The following ITPR3 variants were observed in gnomAD, a reference collection of about 807,000 sequenced individuals.
The protein encoded by ITPR3 is inositol 1,4,5-trisphosphate-gated calcium channel ITPR3.
In ITPR3, 173 loss-of-function variants were observed where a neutral mutation model predicts 293.2. That is an observed-to-expected ratio of 0.59 (90% confidence interval 0.52 to 0.67). The LOEUF (loss-of-function observed/expected upper bound fraction) is 0.67, where lower values mean the gene tolerates loss of function less well. ITPR3 is among the 30% of genes least tolerant of loss of function. The pLI, the probability that ITPR3 is intolerant of heterozygous loss-of-function variation, is 0.00. For missense variants in ITPR3, 2,796 were observed against 3,592.1 expected (o/e 0.78, Z 5.66); for synonymous variants, 1,295 against 1,444.4 (o/e 0.90, Z 2.35).
chr6:33,642,713 C>T (rs1283494570), intron 2 of ITPR3, among the ~76,000 whole-genome samples: 1 of 152,172 alleles, frequency 6.6e-6, no homozygotes, highest in Non-Finnish European at 1.5e-5. Flanking sequence ...TCTCCATTTT[C>T]CCAAAGCCTG....
intron 2 of ITPR3, among the ~76,000 whole-genome samples, chr6:33,649,690 T>C (rs1216151488): frequency 1.3e-5 from 2 of 152,232 alleles, no homozygotes; most frequent in African/African-American, 4.8e-5. Context: ...ACTGCAACCG[T>C]ATAACTTGCT....
rs1242074837 is a variant in ITPR3, at chr6:33,666,848, A to G, written c.1552-281A>G. On this transcript the variant is annotated intron_variant, in intron 14 of 57. Coordinates refer to ENST00000605930, the MANE Select transcript of ITPR3 (RefSeq NM_002224.4). The surrounding 1 kb of genome is among the most constrained non-coding windows in gnomAD (Gnocchi z 5.1). ...TAGCCTTAGACCCTGAGCTGCCGAG[A>G]CCCTCTGCTCCTCCCCCAGGCCCCA... Among the ~76,000 whole-genome samples, 1 of 152,070 alleles carries G rather than the reference A, an allele frequency of 6.6e-6. No individual in the cohort carries two copies. Among genetic ancestry groups the G allele is most frequent in the Non-Finnish European group, 1.5e-5 (1 of 68,006 alleles).
intron 57 of ITPR3, chr6:33,695,509 G>C: frequency 1.7e-6 from 1 of 598,560 alleles, no homozygotes; most frequent in Admixed American, 3.0e-5. Context: ...TCAAATCCAG[G>C]GTTTGTGACA....
rs145939493 is a variant in ITPR3 at position 33,678,782 on chromosome 6, C to T, written c.3915C>T (p.Thr1305=). The change falls in exon 30 of 58, where the codon ACC becomes ACT. Residue 1305 remains threonine, a synonymous_variant. Transcript: ENST00000605930. ...TGCAGTACCTGGACTTCCTGCACAC[C>T]GTCATTAAGGCCGAGGGCAAGTACG... ...RHVQYLDFLH[T]VIKAEGKYVK... 303 of 1,613,482 alleles carry T rather than the reference C, an allele frequency of 1.9e-4. 1 individual carries two copies. In the African/African-American group the frequency reaches 3.3e-3, roughly 18 times the overall value.
Position 33,655,641 on chromosome 6 carries a change from C to A in ITPR3, c.161-125C>A. 1.6e-6 allele frequency: 2 copies of A among 1,276,472 alleles called. No individual in the cohort carries two copies. Among genetic ancestry groups the A allele is most frequent in the Non-Finnish European group, 2.2e-6 (2 of 918,166 alleles). 79.1% of individuals were successfully genotyped at this position (1,276,472 alleles called of 1,614,324 possible). On this transcript the variant is annotated intron_variant, in intron 2 of 57. Transcript: ENST00000605930. The surrounding 1 kb of genome is among the most constrained non-coding windows in gnomAD (Gnocchi z 4.9). ...GGTTCTTCCAACCGCTTCCTCTCTA[C>A]CTGCAGCGGGGAACGGGGGTGGGGA...
At chr6:33,622,326 C>G (rs2151271994) in intron 1 of ITPR3, among the ~76,000 whole-genome samples, 1 of 152,220 alleles carries the variant, frequency 6.6e-6, no homozygotes, top group East Asian at 1.9e-4. Context: ...TAGCTTCTCT[C>G]CAGCACTTCA....
intron 11 of ITPR3, 26 bp downstream of exon 11, chr6:33,663,906 G>C (rs959577033): frequency 6.2e-7 from 1 of 1,612,992 alleles, no homozygotes; most frequent in Non-Finnish European, 8.5e-7. Context: ...GTGCCTGGGA[G>C]TTGACTGGTG....
Position 33,666,096 on chromosome 6 carries a change from C to A in ITPR3, c.1551+120C>A. ...AGTATATATGGGGCACGACCACGTG[C>A]CAGGGACTTCCCTAAGTACCCCACA... On this transcript the variant is annotated intron_variant, in intron 14 of 57. Transcript: ENST00000605930. This position sits in a 1 kb window ranked among gnomAD's most constrained non-coding sequence, Gnocchi z 5.1. 1 of 1,164,876 alleles carries A rather than the reference C, an allele frequency of 8.6e-7. No homozygotes were observed. 72.2% of individuals were successfully genotyped at this position (1,164,876 alleles called of 1,614,324 possible). A position where few individuals can be genotyped will look rare whatever the true frequency, so the allele number is the denominator to read the frequency against.
chr6:33,635,911 G>C (rs1023676042), intron 1 of ITPR3, among the ~76,000 whole-genome samples: 2 of 152,010 alleles, frequency 1.3e-5, no homozygotes, highest in African/African-American at 2.4e-5. Flanking sequence ...TTCAGGCCAT[G>C]TAAGTTCTTT....
chr6:33,640,161 C>T (rs1229492273), intron 1 of ITPR3, among the ~76,000 whole-genome samples: 2 of 152,156 alleles, frequency 1.3e-5, no homozygotes, highest in African/African-American at 4.8e-5. Context: ...GGTCTCAGGG[C>T]TGGGACAGGA....
chr6:33,687,585 T>TGGGGTG lies in ITPR3; in HGVS notation c.6264+31_6264+36dup, dbSNP rs1002600858. 8.5e-6 allele frequency: 10 copies of TGGGGTG among 1,173,426 alleles called. No homozygotes were observed. Among genetic ancestry groups the TGGGGTG allele is most frequent in the Non-Finnish European group, 1.2e-5 (10 of 801,238 alleles). The allele number at this position is 1,173,426 out of a possible 1,614,324, so 72.7% of individuals were successfully genotyped here. Reference sequence around the variant, plus strand: ...CCATGGTGGGTGCTGGCCCCGAGACTGGGGTGGGGGTGGGGCCTGGAACCC... The same window carrying TGGGGTG: ...CCATGGTGGGTGCTGGCCCCGAGACTGGGGTGGGGGTGGGGGTGGGGCCTGGAACCC... On this transcript the variant is annotated intron_variant, in intron 46 of 57. Coordinates refer to ENST00000605930, the MANE Select transcript of ITPR3 (RefSeq NM_002224.4). This position sits in a 1 kb window ranked among gnomAD's most constrained non-coding sequence, Gnocchi z 5.3.
rs1764512604 is a variant in ITPR3, at chr6:33,662,964, C to T, written c.912C>T (p.Tyr304=). The change falls in exon 9 of 58, where the codon TAC becomes TAT. Residue 304 remains tyrosine (Y), a synonymous_variant. Transcript: ENST00000605930. The part of the protein sequence containing the change: ...RGGAGHWNGL[Y]RFKHLATGNY... ...GAGCTGGGCACTGGAATGGCTTGTA[C>T]CGCTTCAAGCACCTGGCTACAGGCA... is the stretch of plus-strand genomic sequence containing the variant. The T allele has an allele frequency of 1.9e-6, 3 of 1,604,260 alleles. No individual in the cohort carries two copies. The highest frequency in any genetic ancestry group is 2.6e-6 in the Non-Finnish European group (3 of 1,175,228).
rs780086266 is a variant in ITPR3, at chr6:33,686,261, G to C, written c.5868+8G>C. The C allele has an allele frequency of 1.2e-5, 20 of 1,612,198 alleles. No individual in the cohort carries two copies. Among genetic ancestry groups the C allele is most frequent in the Non-Finnish European group, 1.7e-5 (20 of 1,179,018 alleles). On this transcript the variant is annotated splice_region_variant and intron_variant, in intron 42 of 57. Transcript: ENST00000605930. Reference sequence around the variant, plus strand: ...CCCTGCCATGAGAACCAGGTGAGCTGTCCTGGTGGCATAAGTGGCAGCCAG... The same window carrying C: ...CCCTGCCATGAGAACCAGGTGAGCTCTCCTGGTGGCATAAGTGGCAGCCAG...
chr6:33,687,317 T>C lies in ITPR3; in HGVS notation c.6167T>C (p.Leu2056Pro). 6.2e-7 allele frequency: 1 copy of C among 1,609,546 alleles called. No individual in the cohort carries two copies. Among genetic ancestry groups the C allele is most frequent in the Admixed American group, 1.7e-5 (1 of 59,892 alleles). ...PREVGHNIYI[L>P]ALQLSRHNKQ... The stretch of plus-strand genomic sequence containing the variant: ...GAAGTGGGCCATAACATCTATATCC[T>C]GGCGCTGCAGGTACCAGTTCCACCC... Residue 2056 changes from leucine (L) to proline (P), a missense_variant, in exon 45 of 58, where the codon CTG becomes CCG. Coordinates refer to ENST00000605930, the MANE Select transcript of ITPR3 (RefSeq NM_002224.4). The surrounding 1 kb of genome is among the most constrained non-coding windows in gnomAD (Gnocchi z 5.3).
rs1582133190 is a variant in ITPR3 at position 33,664,015 on chromosome 6, T to C, written c.1148+135T>C. The C allele has an allele frequency of 3.6e-5, 39 of 1,073,892 alleles. 1 individual carries two copies. In the South Asian group the frequency reaches 6.1e-4, roughly 17 times the overall value. The allele number at this position is 1,073,892 out of a possible 1,614,324, so 66.5% of individuals were successfully genotyped here. On this transcript the variant is annotated intron_variant, in intron 11 of 57. Transcript: ENST00000605930. This position sits in a 1 kb window ranked among gnomAD's most constrained non-coding sequence, Gnocchi z 4.4. Reference sequence around the variant, plus strand: ...GCCTCTGGGGTCTCTGTAGGTCCCATCCCTCTGGGGATCTAGCTCTGAGTC... The same window carrying C: ...GCCTCTGGGGTCTCTGTAGGTCCCACCCCTCTGGGGATCTAGCTCTGAGTC...
rs1765103307 is a variant in ITPR3 at position 33,682,479 on chromosome 6, G to C, written c.4477-45G>C. On this transcript the variant is annotated intron_variant, in intron 33 of 57. Transcript: ENST00000605930. The surrounding 1 kb of genome is among the most constrained non-coding windows in gnomAD (Gnocchi z 5.4). ...GGTTCCTGGACCTGGGGTTGCCCAG[G>C]GTGGGGGCCTGGGCTGCAGCAGCGG... 6.8e-7 allele frequency: 1 copy of C among 1,476,602 alleles called. No individual in the cohort carries two copies. The allele number at this position is 1,476,602 out of a possible 1,614,324, so 91.5% of individuals were successfully genotyped here. A position where few individuals can be genotyped will look rare whatever the true frequency, so the allele number is the denominator to read the frequency against.
intron 21 of ITPR3, 32 bp from the exon 22 acceptor site, chr6:33,671,997 C>T: frequency 6.4e-7 from 1 of 1,570,058 alleles, no homozygotes; most frequent in African/African-American, 1.3e-5. Flanking sequence ...CTACAACCTC[C>T]TTGGCAACCT....
rs1765028353 is a variant in ITPR3 at position 33,680,145 on chromosome 6, G to C, written c.4224+12G>C. ...ACTGCATCACTGAGGTGGGGATCGG[G>C]AGACTGGGCAAGACGGCTGGAGATG... On this transcript the variant is annotated intron_variant, in intron 31 of 57. Coordinates refer to ENST00000605930, the MANE Select transcript of ITPR3 (RefSeq NM_002224.4). The C allele has an allele frequency of 6.2e-7, 1 of 1,609,454 alleles. No homozygotes were observed. Among genetic ancestry groups the C allele is most frequent in the Non-Finnish European group, 8.5e-7 (1 of 1,176,740 alleles).
Position 33,624,818 on chromosome 6 carries a change from A to G in ITPR3, c.89+3127A>G, listed in dbSNP as rs571040560. Among the ~76,000 whole-genome samples the G allele has an allele frequency of 5.3e-5, 8 of 152,254 alleles. No individual in the cohort carries two copies. In the East Asian group the frequency reaches 1.4e-3, roughly 26 times the overall value. Reference sequence around the variant, plus strand: ...ACCTGGGAGATGGGAAGGGGGCATTAGTTGGGGAGGGAGGCAGAGGCAGCA... The same window carrying G: ...ACCTGGGAGATGGGAAGGGGGCATTGGTTGGGGAGGGAGGCAGAGGCAGCA... On this transcript the variant is annotated intron_variant, in intron 1 of 57. Transcript: ENST00000605930. The surrounding 1 kb of genome is among the most constrained non-coding windows in gnomAD (Gnocchi z 4.7).
Sources: allele counts gnomAD v4.1 joint callset (sites outside exome capture counted in the v4.1 genomes callset), GRCh38; gene constraint gnomAD v4.1.1; non-coding constraint Gnocchi (gnomAD v3.1); transcripts MANE v1.5; gene names NCBI Gene and HGNC (gene_info 2026-07-23, HGNC 2026-07-21).